The following GPC6 variants were observed in gnomAD, a reference collection of about 807,000 sequenced individuals.
The protein encoded by GPC6 is glypican 6, also known as glypican-6.
GPC6 carries 14 observed loss-of-function variants against 55.2 expected under a neutral mutation model. That is an observed-to-expected ratio of 0.25 (90% CI 0.17 to 0.40). GPC6 has a LOEUF of 0.40. Among genes scored for constraint, GPC6 ranks in the 10% least tolerant of loss-of-function variants. The pLI is 1.00. For missense variants in GPC6, 641 were observed against 708.5 expected, an observed-to-expected ratio of 0.90 and a Z score of 1.08; for synonymous variants, 278 against 259.6, an observed-to-expected ratio of 1.07 and a Z score of -0.68.
At chr13:94,336,775 T>A (rs1877726778) in intron 6 of GPC6, among the ~76,000 whole-genome samples, 1 of 152,120 alleles carries the variant, frequency 6.6e-6, no homozygotes, top group Admixed American at 6.6e-5. Context: ...AATCATTGAA[T>A]TTATGTTTAC....
At chr13:93,886,749 A>ATTTTTTTTTTTTTTTTT (rs34726181) in intron 3 of GPC6, among the ~76,000 whole-genome samples, 1 of 135,340 alleles carries the variant, frequency 7.4e-6, no homozygotes. Context: ...AGCATCTGTC[A>ATTTTTTTTTTTTTTTTT]TTTTTTTTTT....
rs542231541 is a variant in GPC6, at chr13:93,787,121, G to A, written c.320-43033G>A. Among the ~76,000 whole-genome samples the A allele has an allele frequency of 5.3e-5, 8 of 152,120 alleles. No individual in the cohort carries two copies. The East Asian group carries it at 1.5e-3, about 29-fold the overall frequency. On this transcript the variant is annotated intron_variant, in intron 2 of 8. Transcript: ENST00000377047. The stretch of plus-strand genomic sequence containing the variant: ...TTTTCTTTAACAGTTCCACTATCTC[G>A]GAAATAGTTATAAACATGAACTACT...
intron 3 of GPC6, among the ~76,000 whole-genome samples, chr13:93,996,557 A>C (rs2140420325): frequency 6.6e-6 from 1 of 151,702 alleles, no homozygotes; most frequent in East Asian, 1.9e-4. Context: ...GTCTCCACTC[A>C]CCTCTACTTT....
chr13:93,806,598 C>T (rs1886549335), intron 2 of GPC6, among the ~76,000 whole-genome samples: 1 of 152,096 alleles, frequency 6.6e-6, no homozygotes, highest in African/African-American at 2.4e-5. Context: ...CCTTGGCTTC[C>T]CAAAATTCTG....
chr13:94,162,459 G>A (rs527810176), intron 4 of GPC6, among the ~76,000 whole-genome samples: 2 of 152,272 alleles, frequency 1.3e-5, no homozygotes, highest in Admixed American at 1.3e-4. Context: ...TCTCAGAATG[G>A]GACTGCGCCC....
intron 1 of GPC6, among the ~76,000 whole-genome samples, chr13:93,238,484 C>T (rs894372085): frequency 2.1e-5 from 3 of 140,622 alleles, no homozygotes; most frequent in African/African-American, 8.2e-5. Context: ...TTGGAGGAGT[C>T]TTTAGGGTTT....
At chr13:93,772,302 T>C (rs188384766) in intron 2 of GPC6, among the ~76,000 whole-genome samples, 1 of 152,222 alleles carries the variant, frequency 6.6e-6, no homozygotes, top group East Asian at 1.9e-4. Flanking sequence ...CACATCACCC[T>C]CTGTCAGGAA....
At chr13:94,173,160 A>G (rs1426650759) in intron 4 of GPC6, among the ~76,000 whole-genome samples, 1 of 152,178 alleles carries the variant, frequency 6.6e-6, no homozygotes, top group Non-Finnish European at 1.5e-5. Context: ...TTTTTAAGGA[A>G]TGAAAGACTG....
At chr13:93,471,671 A>C (rs1174977301) in intron 1 of GPC6, among the ~76,000 whole-genome samples, 1 of 149,438 alleles carries the variant, frequency 6.7e-6, no homozygotes, top group African/African-American at 2.5e-5. Context: ...TTAGTTTTCA[A>C]GTGTTTAATG....
At chr13:94,021,048 G>GA (rs1179100183) in intron 3 of GPC6, among the ~76,000 whole-genome samples, 1 of 152,002 alleles carries the variant, frequency 6.6e-6, no homozygotes, top group African/African-American at 2.4e-5. Context: ...TGACTCTTAT[G>GA]AGTCATCATT....
At chr13:94,125,894 T>C (rs1886789817) in intron 4 of GPC6, among the ~76,000 whole-genome samples, 1 of 152,110 alleles carries the variant, frequency 6.6e-6, no homozygotes, top group Admixed American at 6.5e-5. Flanking sequence ...ATGAAATAAG[T>C]AACTAAAAAA....
chr13:93,777,421 T>C (rs1216878678), intron 2 of GPC6, among the ~76,000 whole-genome samples: 2 of 152,214 alleles, frequency 1.3e-5, no homozygotes, highest in Non-Finnish European at 2.9e-5. Context: ...TGCTCAGGCA[T>C]TCCAGTGTGC....
chr13:93,402,403 T>C (rs1876126704), intron 1 of GPC6, among the ~76,000 whole-genome samples: 1 of 152,176 alleles, frequency 6.6e-6, no homozygotes, highest in Non-Finnish European at 1.5e-5. Context: ...CACCTTCTTA[T>C]TCTTAATGAA....
chr13:93,242,830 C>T (rs1049661130), intron 1 of GPC6, among the ~76,000 whole-genome samples: 1 of 152,138 alleles, frequency 6.6e-6, no homozygotes, highest in Non-Finnish European at 1.5e-5. Flanking sequence ...AACAGACCAC[C>T]GTGAATCCTG....
intron 4 of GPC6, among the ~76,000 whole-genome samples, chr13:94,106,597 A>G (rs1338977477): frequency 1.3e-5 from 2 of 152,070 alleles, no homozygotes; most frequent in Non-Finnish European, 2.9e-5. Flanking sequence ...CGAGCAATGC[A>G]TATTATTTCC....
At chr13:93,245,342 A>G (rs1876563413) in intron 1 of GPC6, among the ~76,000 whole-genome samples, 1 of 152,128 alleles carries the variant, frequency 6.6e-6, no homozygotes, top group Admixed American at 6.5e-5. Flanking sequence ...TCCTTCTTCT[A>G]TTCTTCTCTC....
intron 3 of GPC6, among the ~76,000 whole-genome samples, chr13:93,915,564 A>G (rs1380414546): frequency 6.6e-6 from 1 of 152,224 alleles, no homozygotes; most frequent in African/African-American, 2.4e-5. Context: ...TTATGCTTAC[A>G]TAGTGGCAGT....
At chr13:94,258,855 T>C (rs1891576915) in intron 4 of GPC6, among the ~76,000 whole-genome samples, 1 of 152,192 alleles carries the variant, frequency 6.6e-6, no homozygotes, top group African/African-American at 2.4e-5. Context: ...TGTTCTGGTA[T>C]CCTCAGGCTA....
intron 6 of GPC6, among the ~76,000 whole-genome samples, chr13:94,378,415 T>C (rs1172491534): frequency 1.3e-5 from 2 of 152,196 alleles, no homozygotes; most frequent in African/African-American, 4.8e-5. Context: ...GTCATTGGCT[T>C]TGCTATTCTG....
Sources: allele counts gnomAD v4.1 joint callset (sites outside exome capture counted in the v4.1 genomes callset), GRCh38; gene constraint gnomAD v4.1.1; transcripts MANE v1.5; gene names NCBI Gene and HGNC (gene_info 2026-07-23, HGNC 2026-07-21).